PSMA1: variants seen among roughly 807,000 people sequenced by gnomAD.
PSMA1 encodes the protein proteasome 20S subunit alpha 1, also known as proteasome subunit alpha type-1.
A neutral mutation model predicts 38.4 loss-of-function variants in PSMA1; 3 were observed. The observed-to-expected ratio is 0.08, with a 90% CI of 0.04 to 0.20. PSMA1 has a LOEUF of 0.20. Among genes scored for constraint, PSMA1 ranks in the 10% least tolerant of loss-of-function variants. The probability of loss-of-function intolerance (pLI) is 1.00; values close to 1 mark genes in which losing one functional copy is unlikely to be tolerated. For synonymous variants in PSMA1, 101 were observed against 107.1 expected (o/e 0.94, Z 0.35); for missense variants, 227 against 325.3 (o/e 0.70, Z 2.32).
chr11:14,618,125 C>T (rs1852798858), intron 1 of PSMA1, among the ~76,000 whole-genome samples: 1 of 152,146 alleles, frequency 6.6e-6, no homozygotes, highest in South Asian at 2.1e-4. Context: ...TGAAATATGC[C>T]TGCTTTATCT....
At chr11:14,514,299 C>G in intron 5 of PSMA1, 104 bp downstream of exon 5, 1 of 1,396,824 alleles carries the variant, frequency 7.2e-7, no homozygotes, top group South Asian at 1.7e-5. Flanking sequence ...TTAAAGTTTT[C>G]ACAATCTTAC....
At chr11:14,511,058 A>G in intron 7 of PSMA1, 107 bp from the exon 8 acceptor site, 1 of 630,334 alleles carries the variant, frequency 1.6e-6, no homozygotes, top group Non-Finnish European at 2.6e-6. Context: ...TACACACTAA[A>G]TTTATCACAG....
chr11:14,536,347 C>T (rs1462224839), intron 2 of PSMA1, among the ~76,000 whole-genome samples: 2 of 151,928 alleles, frequency 1.3e-5, no homozygotes, highest in East Asian at 2.0e-4. Context: ...ACCAACATGG[C>T]GAAACCCCGT....
chr11:14,564,996 C>A (rs372339846), intron 2 of PSMA1, among the ~76,000 whole-genome samples: 2 of 151,988 alleles, frequency 1.3e-5, no homozygotes, highest in Non-Finnish European at 2.9e-5. Context: ...CCAGGCTGGC[C>A]GTGAACTCCT....
At chr11:14,631,734 T>C (rs1853015128) in intron 1 of PSMA1, among the ~76,000 whole-genome samples, 1 of 152,204 alleles carries the variant, frequency 6.6e-6, no homozygotes, top group African/African-American at 2.4e-5. Flanking sequence ...TGACTTTCTG[T>C]CTCATTGATG....
chr11:14,513,532 C>CAAAAA (rs59773789), intron 7 of PSMA1, 38 bp downstream of exon 7: 104 of 1,155,128 alleles, frequency 9.0e-5, no homozygotes, highest in Middle Eastern at 3.2e-4. Flanking sequence ...CTGGAAAAGG[C>CAAAAA]AAAAAAAAAA....
intron 2 of PSMA1, among the ~76,000 whole-genome samples, chr11:14,597,121 T>C (rs1173426880): frequency 1.3e-5 from 2 of 152,238 alleles, no homozygotes; most frequent in Non-Finnish European, 2.9e-5. Flanking sequence ...GATAAGCCTT[T>C]TGATGTGCTG....
intron 1 of PSMA1, among the ~76,000 whole-genome samples, chr11:14,617,695 A>ATGTGTGTGTGTGTG (rs1327545879): frequency 1.4e-4 from 21 of 146,312 alleles, no homozygotes; most frequent in African/African-American, 5.2e-4. Flanking sequence ...GTATATATAT[A>ATGTGTGTGTGTGTG]TATGTGTGTG....
intron 2 of PSMA1, among the ~76,000 whole-genome samples, chr11:14,564,649 C>G (rs1458487840): frequency 6.6e-6 from 1 of 152,200 alleles, no homozygotes; most frequent in East Asian, 1.9e-4. Flanking sequence ...ATTTTACTTT[C>G]CACCAGCAAT....
chr11:14,641,132 C>T (rs1057073489), intron 1 of PSMA1, among the ~76,000 whole-genome samples: 2 of 150,766 alleles, frequency 1.3e-5, no homozygotes, highest in African/African-American at 2.4e-5. Flanking sequence ...ACCTATGTAA[C>T]AAACCTGTAC....
At chr11:14,607,294 C>G (rs1852654740) in intron 2 of PSMA1, among the ~76,000 whole-genome samples, 1 of 152,160 alleles carries the variant, frequency 6.6e-6, no homozygotes, top group Admixed American at 6.5e-5. Flanking sequence ...AGCCTATATT[C>G]CATCAAGCTG....
Position 14,554,437 on chromosome 11 carries a change from T to C in PSMA1, c.22-35396A>G, listed in dbSNP as rs113364947. 6.1e-3 allele frequency among the ~76,000 whole-genome samples: 925 copies of C among 152,342 alleles called. 9 individuals carry two copies. Among genetic ancestry groups the C allele is most frequent in the African/African-American group, 0.021 (889 of 41,582 alleles). On this transcript the variant is annotated intron_variant, in intron 2 of 10. Transcript: ENST00000418988. ...CCTTTGTTTTTGTGAAAACATTTTA[T>C]AGTGTGACATTTTACTTTTAAATCT...
intron 1 of PSMA1, among the ~76,000 whole-genome samples, chr11:14,620,232 T>TA (rs1230081974): frequency 7.9e-5 from 12 of 152,222 alleles, no homozygotes; most frequent in Admixed American, 7.9e-4. Context: ...TATAGGGTCC[T>TA]AAGCCTGAAC....
chr11:14,559,503 C>A (rs926569452), intron 2 of PSMA1, among the ~76,000 whole-genome samples: 6 of 152,254 alleles, frequency 3.9e-5, no homozygotes, highest in Non-Finnish European at 8.8e-5. Flanking sequence ...TAGTGGCTTT[C>A]TGGAAGGATG....
chr11:14,518,105 CTTTTT>C (rs879358641), intron 2 of PSMA1, 124 bp from the exon 3 acceptor site: 3 of 529,680 alleles, frequency 5.7e-6, no homozygotes, highest in African/African-American at 4.1e-5. Flanking sequence ...ATCAAGAGAC[CTTTTT>C]TTTTTTTTGA....
chr11:14,531,967 A>G (rs973124013), intron 2 of PSMA1, among the ~76,000 whole-genome samples: 1 of 152,146 alleles, frequency 6.6e-6, no homozygotes, highest in South Asian at 2.1e-4. Flanking sequence ...GTACTGCATT[A>G]CCACTTGCTG....
chr11:14,638,545 CTATATATATATATATATATATATA>C lies in PSMA1; in HGVS notation c.-166+4886_-166+4909del, dbSNP rs1243564648. On this transcript the variant is annotated intron_variant, in intron 1 of 10. Transcript: ENST00000418988. ...TCTCTCTCTCTCTCTCTCTCTCTCT[CTATATATATATATATATATATATA>C]TATATATATATATATATTTTTTTTT... is the stretch of plus-strand genomic sequence containing the variant. Among the ~76,000 whole-genome samples, 11 of 15,958 alleles carry C rather than the reference CTATATATATATATATATATATATA, an allele frequency of 6.9e-4. No individual in the cohort carries two copies. In the South Asian group the frequency reaches 8.8e-3, roughly 13 times the overall value. 10.5% of individuals were successfully genotyped at this position (15,958 alleles called of 152,430 possible). A position where few individuals can be genotyped will look rare whatever the true frequency, so the allele number is the denominator to read the frequency against.
chr11:14,538,549 T>A (rs1851736845), intron 2 of PSMA1, among the ~76,000 whole-genome samples: 1 of 152,258 alleles, frequency 6.6e-6, no homozygotes, highest in South Asian at 2.1e-4. Flanking sequence ...CCAAGATTTT[T>A]AAGAAGAAGT....
chr11:14,550,400 G>T (rs1851873116), intron 2 of PSMA1, among the ~76,000 whole-genome samples: 1 of 152,124 alleles, frequency 6.6e-6, no homozygotes, highest in African/African-American at 2.4e-5. Flanking sequence ...TCCTAAAATT[G>T]TAGTGGAATT....
Sources: allele counts gnomAD v4.1 joint callset (sites outside exome capture counted in the v4.1 genomes callset), GRCh38; gene constraint gnomAD v4.1.1; transcripts MANE v1.5; gene names NCBI Gene and HGNC (gene_info 2026-07-23, HGNC 2026-07-21).